WWP2: variants seen among roughly 807,000 people sequenced by gnomAD.
WWP2 encodes WW domain containing E3 ubiquitin protein ligase 2.
WWP2 carries 57 observed loss-of-function variants against 121.0 expected under a neutral mutation model. The ratio of observed to expected loss-of-function variants is 0.47; its 90% confidence interval spans 0.38 to 0.59. The LOEUF (loss-of-function observed/expected upper bound fraction) is 0.59, where lower values mean the gene tolerates loss of function less well. Among genes scored for constraint, WWP2 ranks in the 20% least tolerant of loss-of-function variants. The pLI is 0.00. For synonymous variants in WWP2, 449 were observed against 441.3 expected (o/e 1.02, Z -0.22); for missense variants, 962 against 1,158.9 (o/e 0.83, Z 2.47).
chr16:69,801,039 A>G (rs1235700894), intron 4 of WWP2, among the ~76,000 whole-genome samples: 1 of 148,140 alleles, frequency 6.8e-6, no homozygotes, highest in Non-Finnish European at 1.5e-5. Context: ...AAATACAACA[A>G]TTACCCAGGG....
intron 6 of WWP2, among the ~76,000 whole-genome samples, chr16:69,862,246 G>A (rs2057435480): frequency 6.6e-6 from 1 of 151,600 alleles, no homozygotes; most frequent in African/African-American, 2.4e-5. Context: ...TGTATTTTTA[G>A]TAGACACGGG....
chr16:69,909,180 A>G, intron 9 of WWP2: 1 of 1,029,980 alleles, frequency 9.7e-7, no homozygotes, highest in Non-Finnish European at 1.2e-6. Flanking sequence ...CCGCCAAGTT[A>G]TCCAAAACCA....
chr16:69,861,422 A>G (rs1417308599), intron 6 of WWP2, among the ~76,000 whole-genome samples: 1 of 152,150 alleles, frequency 6.6e-6, no homozygotes, highest in Non-Finnish European at 1.5e-5. Flanking sequence ...TCTGTACTCT[A>G]GGGTGCGCAA....
At chr16:69,929,981 A>T in intron 12 of WWP2, 149 bp from the exon 13 acceptor site, 1 of 1,224,892 alleles carries the variant, frequency 8.2e-7, no homozygotes, top group Non-Finnish European at 1.1e-6. Flanking sequence ...AACTGTTCTC[A>T]CGACTTGGGT....
chr16:69,906,871 C>G (rs2058303136), intron 8 of WWP2, among the ~76,000 whole-genome samples: 1 of 152,050 alleles, frequency 6.6e-6, no homozygotes, highest in African/African-American at 2.4e-5. Flanking sequence ...CAGAGCAAGA[C>G]TCTGTCTTTA....
chr16:69,867,594 C>G (rs974548170), intron 6 of WWP2, among the ~76,000 whole-genome samples: 7 of 152,202 alleles, frequency 4.6e-5, no homozygotes, highest in African/African-American at 9.6e-5. Context: ...CTGGGGACCT[C>G]ATCTGTGTCA....
intron 2 of WWP2, among the ~76,000 whole-genome samples, chr16:69,797,890 G>GAA (rs113856240): frequency 6.9e-6 from 1 of 145,270 alleles, no homozygotes; most frequent in East Asian, 2.0e-4. Context: ...CTCTATCTCA[G>GAA]AAAAAAAAAA....
intron 6 of WWP2, among the ~76,000 whole-genome samples, chr16:69,844,218 G>A (rs541974127): frequency 6.6e-6 from 1 of 152,170 alleles, no homozygotes; most frequent in Admixed American, 6.5e-5. Flanking sequence ...TGGGTCTCAC[G>A]GGGTGATGAA....
At position 69,935,567 on chromosome 16, in the gene WWP2, G is replaced by C. The variant is rs8044577; in HGVS notation, c.1843-286G>C. 2.0e-5 allele frequency among the ~76,000 whole-genome samples: 3 copies of C among 152,222 alleles called. No homozygotes were observed. Among genetic ancestry groups the C allele is most frequent in the Admixed American group, 6.5e-5 (1 of 15,288 alleles). ...CTAGGCCAGGAGCCAGCCGGCCAGC[G>C]TGCGGGGCAGATGCGGGCCCGGACG... On this transcript the variant is annotated intron_variant, in intron 17 of 23. Transcript: ENST00000359154. The surrounding 1 kb of genome is among the most constrained non-coding windows in gnomAD (Gnocchi z 5.2).
chr16:69,793,111 T>G (rs1567668304), intron 2 of WWP2, among the ~76,000 whole-genome samples: 1 of 152,114 alleles, frequency 6.6e-6, no homozygotes, highest in African/African-American at 2.4e-5. Context: ...ATCCGAGCAC[T>G]TTGGGAGGCC....
intron 8 of WWP2, among the ~76,000 whole-genome samples, chr16:69,905,804 C>A (rs1014260999): frequency 1.3e-5 from 2 of 152,164 alleles, no homozygotes; most frequent in African/African-American, 4.8e-5. Context: ...CCTTTTCTGC[C>A]CATTCTTCCT....
At chr16:69,794,027 C>T (rs780261684) in intron 2 of WWP2, among the ~76,000 whole-genome samples, 3 of 145,846 alleles carry the variant, frequency 2.1e-5, no homozygotes, top group Admixed American at 7.4e-5. Flanking sequence ...AAGCGATTCT[C>T]GTGTCTTAGC....
chr16:69,840,519 C>A (rs1218276789), intron 5 of WWP2, among the ~76,000 whole-genome samples: 2 of 152,154 alleles, frequency 1.3e-5, no homozygotes, highest in Admixed American at 6.5e-5. Context: ...ATCTTTCATC[C>A]CATGTGGACT....
At chr16:69,873,715 G>A (rs1275269929) in intron 7 of WWP2, among the ~76,000 whole-genome samples, 1 of 152,158 alleles carries the variant, frequency 6.6e-6, no homozygotes, top group Non-Finnish European at 1.5e-5. Context: ...TGGGGATGGG[G>A]GACTGGCTTT....
chr16:69,852,110 A>G (rs2057226992), intron 6 of WWP2, among the ~76,000 whole-genome samples: 1 of 152,340 alleles, frequency 6.6e-6, no homozygotes, highest in South Asian at 2.1e-4. Flanking sequence ...CTGTTTTCCA[A>G]AACGGCTGCA....
intron 1 of WWP2, among the ~76,000 whole-genome samples, chr16:69,786,442 CTTTTTTTTTTTT>C (rs957224996): frequency 9.4e-5 from 8 of 85,404 alleles, no homozygotes; most frequent in South Asian, 3.6e-4. Context: ...CCCAGCCAAT[CTTTTTTTTTTTT>C]TTTTTTTTTT....
At chr16:69,767,446 A>G (rs973582169) in intron 1 of WWP2, among the ~76,000 whole-genome samples, 2 of 152,232 alleles carry the variant, frequency 1.3e-5, no homozygotes, top group Admixed American at 6.5e-5. Flanking sequence ...TGGAGTGGCT[A>G]TATAAACATA....
At chr16:69,768,879 A>G (rs867362287) in intron 1 of WWP2, among the ~76,000 whole-genome samples, 41 of 152,340 alleles carry the variant, frequency 2.7e-4, no homozygotes, top group African/African-American at 8.4e-4. Flanking sequence ...TTGTTTTTCA[A>G]TATGGGCCTT....
intron 4 of WWP2, among the ~76,000 whole-genome samples, chr16:69,808,195 T>C (rs1019154982): frequency 1.2e-4 from 18 of 152,168 alleles, no homozygotes; most frequent in African/African-American, 4.1e-4. Flanking sequence ...ATGCAGTATG[T>C]TTTCTTGTGC....
Sources: allele counts gnomAD v4.1 joint callset (sites outside exome capture counted in the v4.1 genomes callset), GRCh38; gene constraint gnomAD v4.1.1; non-coding constraint Gnocchi (gnomAD v3.1); transcripts MANE v1.5; gene names NCBI Gene and HGNC (gene_info 2026-07-23, HGNC 2026-07-21).